The following TXNDC16 variants were observed in gnomAD, a reference collection of about 807,000 sequenced individuals.
TXNDC16 encodes the protein thioredoxin domain containing 16.
Under a neutral mutation model 85.6 loss-of-function variants are expected in TXNDC16, and 74 were observed. That is an observed-to-expected ratio of 0.86 (90% CI 0.72 to 1.05). TXNDC16 has a LOEUF of 1.05. TXNDC16 is among the 50% of genes least tolerant of loss of function. TXNDC16 has a pLI of 0.00. For synonymous variants in TXNDC16, 335 were observed against 326.5 expected (o/e 1.03, Z -0.28); for missense variants, 959 against 947.0 (o/e 1.01, Z -0.17).
chr14:52,488,174 A>T (rs905263963), intron 12 of TXNDC16, among the ~76,000 whole-genome samples, 189 bp downstream of exon 12: 2 of 152,254 alleles, frequency 1.3e-5, no homozygotes, highest in Non-Finnish European at 2.9e-5. Flanking sequence ...CATTAAACAA[A>T]ATATAGCATC....
chr14:52,506,219 T>C (rs1390554258), intron 9 of TXNDC16, among the ~76,000 whole-genome samples: 1 of 152,172 alleles, frequency 6.6e-6, no homozygotes, highest in African/African-American at 2.4e-5. Context: ...CCCTAACTCA[T>C]TTTATGAGGC....
chr14:52,525,849 T>C (rs1392209362), intron 6 of TXNDC16, among the ~76,000 whole-genome samples: 1 of 151,888 alleles, frequency 6.6e-6, no homozygotes, highest in African/African-American at 2.4e-5. Flanking sequence ...AACCCATGGA[T>C]GCTCAAGTCC....
At chr14:52,485,513 C>T (rs746748249) in intron 12 of TXNDC16, among the ~76,000 whole-genome samples, 16 of 152,164 alleles carry the variant, frequency 1.1e-4, no homozygotes, top group Non-Finnish European at 2.2e-4. Flanking sequence ...TAGGCCTTTA[C>T]ACTCACTCAC....
intron 6 of TXNDC16, among the ~76,000 whole-genome samples, chr14:52,531,216 G>A (rs1339027553): frequency 6.6e-6 from 1 of 152,114 alleles, no homozygotes; most frequent in Non-Finnish European, 1.5e-5. Flanking sequence ...ATTCATTGCT[G>A]GTGGGAATGC....
chr14:52,460,898 T>C (rs920722972), intron 16 of TXNDC16, among the ~76,000 whole-genome samples: 1 of 152,086 alleles, frequency 6.6e-6, no homozygotes, highest in Non-Finnish European at 1.5e-5. Flanking sequence ...CTTTTATTAG[T>C]GTATTATCAA....
chr14:52,432,265 T>A lies in TXNDC16; in HGVS notation c.*39A>T. ...TCTTTAAGGAAATAAATTAAGTCTA[T>A]CATGCCAAAAAAATTTTGGAAACCA... is the stretch of plus-strand genomic sequence containing the variant. On this transcript the variant is annotated 3_prime_UTR_variant, in exon 21 of 21. Coordinates refer to ENST00000281741, the MANE Select transcript of TXNDC16 (RefSeq NM_020784.3). 6.5e-7 allele frequency: 1 copy of A among 1,539,362 alleles called. No individual in the cohort carries two copies. Among genetic ancestry groups the A allele is most frequent in the South Asian group, 1.3e-5 (1 of 77,044 alleles).
intron 7 of TXNDC16, 87 bp from the exon 8 acceptor site, chr14:52,515,057 A>G: frequency 1.1e-6 from 1 of 930,762 alleles, no homozygotes. Context: ...ATTATCCTAC[A>G]CTCCTTTATG....
chr14:52,451,877 T>C (rs1594688979), intron 18 of TXNDC16, among the ~76,000 whole-genome samples: 2 of 152,064 alleles, frequency 1.3e-5, no homozygotes, highest in African/African-American at 4.8e-5. Context: ...GGCATCCAAA[T>C]TGGAAGGGAA....
chr14:52,439,384 G>A lies in TXNDC16; in HGVS notation c.2014C>T (p.Pro672Ser). ...TPCWLNLKNTPVGRGILRAYF... is the reference protein window; with the variant it reads ...TPCWLNLKNTSVGRGILRAYF... ...GCCCTCAAGATTCCTCTCCCCACTG[G>A]AGTATTCTTTCTGCAAAAGGGAACA... The change falls in exon 20 of 21, where the codon CCA becomes TCA. Residue 672 changes from proline (P) to serine (S), a missense_variant. By Grantham distance (74) the Pro-to-Ser change is moderately conservative (BLOSUM62 -1). Coordinates refer to ENST00000281741, the MANE Select transcript of TXNDC16 (RefSeq NM_020784.3). The A allele has an allele frequency of 6.2e-7, 1 of 1,612,384 alleles. No homozygotes were observed. Among genetic ancestry groups the A allele is most frequent in the Non-Finnish European group, 8.5e-7 (1 of 1,179,356 alleles).
At position 52,536,713 on chromosome 14, in the gene TXNDC16, A is replaced by T; in HGVS notation, c.392+6T>A. 6.2e-7 allele frequency: 1 copy of T among 1,604,498 alleles called. No homozygotes were observed. Among genetic ancestry groups the T allele is most frequent in the Non-Finnish European group, 8.5e-7 (1 of 1,173,724 alleles). The stretch of plus-strand genomic sequence containing the variant: ...AAACAAATGAATGTGTAGCCCCTGT[A>T]CTTACAAGAGAACATGGGCGACAAT... On this transcript the variant is annotated splice_donor_region_variant and intron_variant, in intron 6 of 20. Transcript: ENST00000281741.
chr14:52,468,115 G>A (rs1472822526), intron 16 of TXNDC16, among the ~76,000 whole-genome samples: 1 of 152,152 alleles, frequency 6.6e-6, no homozygotes, highest in African/African-American at 2.4e-5. Context: ...ATGAAAAGCT[G>A]TTGTTTAATG....
chr14:52,445,145 T>G (rs1008578855), intron 18 of TXNDC16, among the ~76,000 whole-genome samples: 1 of 152,192 alleles, frequency 6.6e-6, no homozygotes, highest in African/African-American at 2.4e-5. Flanking sequence ...ATCCTTTCTG[T>G]ATTACCTGAA....
At chr14:52,440,496 C>T (rs2035139361) in intron 19 of TXNDC16, 68 bp downstream of exon 19, 1 of 1,319,302 alleles carries the variant, frequency 7.6e-7, no homozygotes, top group Non-Finnish European at 1.0e-6. Context: ...AGTTTCGTTT[C>T]CTAATGAAAA....
intron 9 of TXNDC16, among the ~76,000 whole-genome samples, chr14:52,499,689 G>A (rs2036613112): frequency 6.6e-6 from 1 of 151,818 alleles, no homozygotes; most frequent in African/African-American, 2.4e-5. Flanking sequence ...TGCACTGTTG[G>A]TGAGACTGTA....
In TXNDC16 at chr14:52,529,251, C is replaced by T. The variant is rs1265413934; in HGVS notation, c.392+7468G>A. ...GACAAAAAACCAAACACCGCATGTT[C>T]TCACACATAGGTGGGAATTGAACAA... On this transcript the variant is annotated intron_variant, in intron 6 of 20. Coordinates refer to ENST00000281741, the MANE Select transcript of TXNDC16 (RefSeq NM_020784.3). 2.0e-5 allele frequency among the ~76,000 whole-genome samples: 3 copies of T among 149,022 alleles called. No individual in the cohort carries two copies. The East Asian group carries it at 5.9e-4, about 29-fold the overall frequency.
chr14:52,434,161 C>T (rs1294091903), intron 20 of TXNDC16, among the ~76,000 whole-genome samples: 1 of 152,182 alleles, frequency 6.6e-6, no homozygotes, highest in African/African-American at 2.4e-5. Flanking sequence ...TGCACTCAAA[C>T]CTGGATGAGA....
chr14:52,494,072 C>T (rs913184028), intron 9 of TXNDC16, among the ~76,000 whole-genome samples: 5 of 151,914 alleles, frequency 3.3e-5, no homozygotes, highest in African/African-American at 9.7e-5. Flanking sequence ...GGATAGGAAC[C>T]TTGGGAGCTA....
At chr14:52,474,662 G>A (rs1474878993) in intron 14 of TXNDC16, among the ~76,000 whole-genome samples, 4 of 151,874 alleles carry the variant, frequency 2.6e-5, no homozygotes, top group East Asian at 3.9e-4. Context: ...CCCAGGAGGC[G>A]GAGGTTGCAG....
intron 8 of TXNDC16, among the ~76,000 whole-genome samples, chr14:52,513,011 C>T (rs1001611323): frequency 3.3e-5 from 5 of 152,098 alleles, no homozygotes; most frequent in Non-Finnish European, 4.4e-5. Flanking sequence ...GGTCAGGTGT[C>T]CACCTCTGAT....
Sources: allele counts gnomAD v4.1 joint callset (sites outside exome capture counted in the v4.1 genomes callset), GRCh38; gene constraint gnomAD v4.1.1; transcripts MANE v1.5; gene names NCBI Gene and HGNC (gene_info 2026-07-23, HGNC 2026-07-21).